Variants in SLC2A12 observed in about 807,000 individuals in gnomAD.
The protein encoded by SLC2A12 is solute carrier family 2 member 12.
In SLC2A12, 23 loss-of-function variants were observed where a neutral mutation model predicts 41.8. The observed-to-expected ratio is 0.55, with a 90% CI of 0.40 to 0.78. The LOEUF (loss-of-function observed/expected upper bound fraction) is 0.78, where lower values mean the gene tolerates loss of function less well. Ranked by LOEUF, SLC2A12 falls within the 30% of genes least tolerant of loss-of-function variation. The pLI, the probability that SLC2A12 is intolerant of heterozygous loss-of-function variation, is 0.00. For missense variants in SLC2A12, 654 were observed against 745.6 expected, an observed-to-expected ratio of 0.88 and a Z score of 1.43; for synonymous variants, 295 against 285.9, an observed-to-expected ratio of 1.03 and a Z score of -0.32.
chr6:134,020,898 A>C (rs748563156), intron 2 of SLC2A12, among the ~76,000 whole-genome samples: 2 of 152,174 alleles, frequency 1.3e-5, no homozygotes, highest in Non-Finnish European at 2.9e-5. Flanking sequence ...CAGTTCTCCG[A>C]AGCCCCTCTT....
chr6:133,993,321 G>A (rs1776647625), intron 4 of SLC2A12, among the ~76,000 whole-genome samples: 1 of 152,284 alleles, frequency 6.6e-6, no homozygotes, highest in South Asian at 2.1e-4. Context: ...TCTATTTGAT[G>A]TCTAATGGAC....
At chr6:134,022,282 GC>G (rs1303596749) in intron 2 of SLC2A12, among the ~76,000 whole-genome samples, 2 of 152,138 alleles carry the variant, frequency 1.3e-5, no homozygotes, top group Admixed American at 1.3e-4. Context: ...TGTAATCCCA[GC>G]ACTTTGGGAG....
chr6:134,040,498 A>G (rs1777367722), intron 1 of SLC2A12, among the ~76,000 whole-genome samples: 1 of 152,198 alleles, frequency 6.6e-6, no homozygotes, highest in South Asian at 2.1e-4. Flanking sequence ...TAAAAGACCA[A>G]GTTGGGTTTG....
chr6:134,015,315 AGT>A (rs1776941366), intron 2 of SLC2A12, among the ~76,000 whole-genome samples: 1 of 151,936 alleles, frequency 6.6e-6, no homozygotes, highest in Non-Finnish European at 1.5e-5. Context: ...CTATCGAAGG[AGT>A]GTGTGGGGGG....
intron 2 of SLC2A12, among the ~76,000 whole-genome samples, chr6:134,013,878 A>T (rs1430442656): frequency 1.3e-5 from 2 of 152,214 alleles, no homozygotes; most frequent in Non-Finnish European, 2.9e-5. Context: ...ACAATTTTGA[A>T]CATGTATCAA....
intron 4 of SLC2A12, among the ~76,000 whole-genome samples, chr6:133,994,453 C>T (rs370558484): frequency 2.6e-5 from 4 of 152,136 alleles, no homozygotes; most frequent in South Asian, 4.1e-4. Context: ...ACTGGCTGGA[C>T]GCGGTGGCTC....
At chr6:134,008,739 A>G (rs1308412953) in intron 2 of SLC2A12, among the ~76,000 whole-genome samples, 3 of 152,204 alleles carry the variant, frequency 2.0e-5, no homozygotes, top group Non-Finnish European at 4.4e-5. Flanking sequence ...AAAATTATAT[A>G]AATCCGATTT....
chr6:134,032,066 G>A (rs535949233), intron 1 of SLC2A12, among the ~76,000 whole-genome samples: 25 of 152,054 alleles, frequency 1.6e-4, no homozygotes, highest in Admixed American at 6.6e-4. Flanking sequence ...TCGGGGTTGG[G>A]GGAGGGTATA....
At chr6:134,041,823 C>A (rs1431567230) in intron 1 of SLC2A12, among the ~76,000 whole-genome samples, 1 of 152,010 alleles carries the variant, frequency 6.6e-6, no homozygotes, top group African/African-American at 2.4e-5. Flanking sequence ...TGGAGACTTT[C>A]GATGATAGAT....
intron 3 of SLC2A12, among the ~76,000 whole-genome samples, chr6:134,004,527 T>C (rs929862701): frequency 1.2e-4 from 19 of 152,232 alleles, no homozygotes; most frequent in African/African-American, 4.3e-4. Context: ...AAATTGTATC[T>C]ATAAAGACAA....
chr6:134,039,757 G>A (rs914787322), intron 1 of SLC2A12, among the ~76,000 whole-genome samples: 1 of 152,298 alleles, frequency 6.6e-6, no homozygotes, highest in East Asian at 1.9e-4. Context: ...GGTCATGGGG[G>A]CCCTTATGAA....
At chr6:133,993,443 A>C (rs1478076232) in intron 4 of SLC2A12, among the ~76,000 whole-genome samples, 2 of 152,230 alleles carry the variant, frequency 1.3e-5, no homozygotes, top group Non-Finnish European at 2.9e-5. Context: ...TAAAACTTGC[A>C]GTGTCATCCT....
intron 1 of SLC2A12, among the ~76,000 whole-genome samples, chr6:134,044,261 G>T (rs901363769): frequency 5.3e-5 from 8 of 152,118 alleles, no homozygotes; most frequent in Non-Finnish European, 7.3e-5. Flanking sequence ...CCACTAATTG[G>T]CAGTAAGCAC....
In SLC2A12 at chr6:134,006,881, T is replaced by C; in HGVS notation, c.1498A>G (p.Met500Val). 1 of 1,614,126 alleles carries C rather than the reference T, an allele frequency of 6.2e-7. No homozygotes were observed. The highest frequency in any genetic ancestry group is 8.5e-7 in the Non-Finnish European group (1 of 1,180,022). The change falls in exon 3 of 5, where the codon ATG becomes GTG. Residue 500 changes from methionine to valine, a missense_variant. This residue lies in a region of SLC2A12 where 134 missense variants were observed against 180.5 expected (regional missense o/e 0.74). Coordinates refer to ENST00000275230, the MANE Select transcript of SLC2A12 (RefSeq NM_145176.3). ...CAGTTCATGCTAGAAGTTAAAGCCATGGCTCGTCCTCTGATCCCACCAGGA... is the reference window on the plus strand; with the variant it reads ...CAGTTCATGCTAGAAGTTAAAGCCACGGCTCGTCCTCTGATCCCACCAGGA... ...IFPGGIRGRAMALTSSMNWGI... is the reference protein window; with the variant it reads ...IFPGGIRGRAVALTSSMNWGI...
At chr6:134,017,281 G>A (rs1405893133) in intron 2 of SLC2A12, among the ~76,000 whole-genome samples, 4 of 152,136 alleles carry the variant, frequency 2.6e-5, no homozygotes, top group Non-Finnish European at 4.4e-5. Context: ...ATGTGTGTGA[G>A]GTTCCACACA....
intron 2 of SLC2A12, among the ~76,000 whole-genome samples, chr6:134,010,586 T>C (rs1259476680): frequency 6.6e-6 from 1 of 152,196 alleles, no homozygotes; most frequent in Non-Finnish European, 1.5e-5. Flanking sequence ...GTCTTGTCTA[T>C]GTTGCAATAA....
rs1400234075 is a variant in SLC2A12 at position 134,029,013 on chromosome 6, G to A, written c.812C>T (p.Ser271Leu). ...TATTCGGGTCCGCATGTTGTCTTTT[G>A]AACGAAACAGATCCCAAAAACTGTA... ...YQYSFWDLFRSKDNMRTRIMI... is the reference protein window; with the variant it reads ...YQYSFWDLFRLKDNMRTRIMI... Residue 271 changes from serine to leucine, a missense_variant, in exon 2 of 5, where the codon TCA becomes TTA. This residue lies in a region of SLC2A12 where 411 missense variants were observed against 412.1 expected (regional missense o/e 1.00). Transcript: ENST00000275230. 6.2e-7 allele frequency: 1 copy of A among 1,614,086 alleles called. No homozygotes were observed. The highest frequency in any genetic ancestry group is 8.5e-7 in the Non-Finnish European group (1 of 1,180,042).
chr6:134,017,852 T>C (rs1241273357), intron 2 of SLC2A12, among the ~76,000 whole-genome samples: 1 of 150,342 alleles, frequency 6.7e-6, no homozygotes, highest in Non-Finnish European at 1.5e-5. Context: ...AGCGAGACTC[T>C]GTCTCAAAAG....
At chr6:134,008,569 G>A (rs932858799) in intron 2 of SLC2A12, among the ~76,000 whole-genome samples, 5 of 151,990 alleles carry the variant, frequency 3.3e-5, no homozygotes, top group African/African-American at 4.8e-5. Flanking sequence ...AGATTATATC[G>A]TTGGTGGAAT....
Sources: allele counts gnomAD v4.1 joint callset (sites outside exome capture counted in the v4.1 genomes callset), GRCh38; gene constraint gnomAD v4.1.1; regional missense constraint gnomAD v4.1.1; transcripts MANE v1.5; gene names NCBI Gene and HGNC (gene_info 2026-07-23, HGNC 2026-07-21).